The following CSNK2A2IP variants were observed in gnomAD, a reference collection of about 807,000 sequenced individuals.
CSNK2A2IP encodes the protein casein kinase 2 subunit alpha' interacting protein.
the CSNK2A2IP span, among the ~76,000 whole-genome samples, chr3:88,442,119 T>C: frequency 1.3e-5 from 2 of 152,240 alleles, no homozygotes; most frequent in African/African-American, 4.8e-5. Context: ...AGAATTTGTG[T>C]GTGTATATAA....
chr3:88,378,751 G>T, the CSNK2A2IP span, among the ~76,000 whole-genome samples: 2 of 152,038 alleles, frequency 1.3e-5, no homozygotes, highest in Non-Finnish European at 2.9e-5. Context: ...CTAAGGGAAA[G>T]AATTGGCATT....
the CSNK2A2IP span, among the ~76,000 whole-genome samples, chr3:88,428,338 A>C: frequency 6.6e-6 from 1 of 152,000 alleles, no homozygotes; most frequent in South Asian, 2.1e-4. Context: ...CTCAGATGAG[A>C]CTTTGGACTG....
At chr3:88,387,457 C>T in the CSNK2A2IP span, among the ~76,000 whole-genome samples, 2 of 152,144 alleles carry the variant, frequency 1.3e-5, no homozygotes, top group South Asian at 2.1e-4. Context: ...GCATGAGCTA[C>T]TGTGCCCGGC....
chr3:88,435,878 CATTATATATATA>C, the CSNK2A2IP span, among the ~76,000 whole-genome samples: 1 of 65,842 alleles, frequency 1.5e-5, no homozygotes. Flanking sequence ...TTTTAATGTG[CATTATATATATA>C]ATGCACATTA....
At chr3:88,449,766 C>T in the CSNK2A2IP span, among the ~76,000 whole-genome samples, 10 of 130,050 alleles carry the variant, frequency 7.7e-5, no homozygotes, top group African/African-American at 2.0e-4. Context: ...TTTCTCTTCA[C>T]GATTGTGAAG....
the CSNK2A2IP span, among the ~76,000 whole-genome samples, chr3:88,461,210 A>G: frequency 6.6e-6 from 1 of 152,128 alleles, no homozygotes; most frequent in Admixed American, 6.6e-5. Context: ...TCTGCTATTG[A>G]TTGACAGTTG....
chr3:88,380,277 G>A, the CSNK2A2IP span, among the ~76,000 whole-genome samples: 1 of 151,868 alleles, frequency 6.6e-6, no homozygotes, highest in Admixed American at 6.6e-5. Context: ...ACAGATAATA[G>A]GCCAGGATGA....
chr3:88,461,393 A>G, the CSNK2A2IP span, among the ~76,000 whole-genome samples: 1 of 152,010 alleles, frequency 6.6e-6, no homozygotes, highest in South Asian at 2.1e-4. Context: ...CTCTACTAAA[A>G]ATACAAAAAA....
the CSNK2A2IP span, among the ~76,000 whole-genome samples, chr3:88,407,635 G>A: frequency 6.6e-6 from 1 of 152,100 alleles, no homozygotes; most frequent in Non-Finnish European, 1.5e-5. Context: ...ATGGCTTAGA[G>A]CTTCTTTCAC....
the CSNK2A2IP span, among the ~76,000 whole-genome samples, chr3:88,432,707 A>G: frequency 2.0e-5 from 3 of 151,206 alleles, no homozygotes; most frequent in Non-Finnish European, 3.0e-5. Flanking sequence ...AACATTTAAA[A>G]TAAAAAGAAA....
the CSNK2A2IP span, among the ~76,000 whole-genome samples, chr3:88,348,142 C>T: frequency 1.3e-5 from 2 of 151,862 alleles, no homozygotes; most frequent in Non-Finnish European, 2.9e-5. Context: ...TATTTGACTT[C>T]GTTTTACAAA....
the CSNK2A2IP span, among the ~76,000 whole-genome samples, chr3:88,369,429 A>G: frequency 6.6e-6 from 1 of 152,004 alleles, no homozygotes; most frequent in Non-Finnish European, 1.5e-5. Context: ...GAAAATAACC[A>G]AAGGAAGACA....
At chr3:88,456,893 G>A in the CSNK2A2IP span, among the ~76,000 whole-genome samples, 2 of 151,854 alleles carry the variant, frequency 1.3e-5, no homozygotes, top group South Asian at 2.1e-4. Context: ...GTAATTGTTG[G>A]TCTTTCAGCT....
the CSNK2A2IP span, chr3:88,466,695 G>T: frequency 2.0e-5 from 23 of 1,131,898 alleles, no homozygotes; most frequent in Non-Finnish European, 2.6e-5. Context: ...GAATACAGAG[G>T]GATCTCTGTA....
At chr3:88,343,584 C>T in the CSNK2A2IP span, among the ~76,000 whole-genome samples, 1 of 151,780 alleles carries the variant, frequency 6.6e-6, no homozygotes, top group Non-Finnish European at 1.5e-5. Flanking sequence ...AACAGGGCTA[C>T]TTTTCAGAAT....
the CSNK2A2IP span, among the ~76,000 whole-genome samples, chr3:88,426,895 G>GT: frequency 6.6e-6 from 1 of 151,788 alleles, no homozygotes; most frequent in South Asian, 2.1e-4. Context: ...GGGATGGGGG[G>GT]GGGCGGTGGG....
the CSNK2A2IP span, among the ~76,000 whole-genome samples, chr3:88,359,113 T>A: frequency 6.6e-6 from 1 of 151,814 alleles, no homozygotes; most frequent in Non-Finnish European, 1.5e-5. Flanking sequence ...CTTTTCAGAT[T>A]CGTATTTTTC....
At chr3:88,377,029 G>T in the CSNK2A2IP span, among the ~76,000 whole-genome samples, 261 of 151,854 alleles carry the variant, frequency 1.7e-3, 2 homozygotes, top group African/African-American at 6.1e-3. Context: ...AAAAGAAGGC[G>T]TTCCTTAAAA....
the CSNK2A2IP span, chr3:88,465,615 G>C: frequency 8.1e-7 from 1 of 1,231,650 alleles, no homozygotes; most frequent in Non-Finnish European, 1.0e-6. Flanking sequence ...TCTGTGATAG[G>C]TTTCTGAATT....
Sources: gnomAD v4.1 joint callset for allele counts (sites outside exome capture counted in the v4.1 genomes callset) on GRCh38, gnomAD v4.1.1 for gene constraint, MANE v1.5 for transcripts, NCBI Gene and HGNC (gene_info 2026-07-23, HGNC 2026-07-21) for gene names.